The following PRKD1 variants were observed in gnomAD, a reference collection of about 807,000 sequenced individuals.
The protein encoded by PRKD1 is serine/threonine-protein kinase D1.
A neutral mutation model predicts 95.9 loss-of-function variants in PRKD1; 63 were observed. The observed-to-expected ratio is 0.66, with a 90% CI of 0.54 to 0.81. The LOEUF (loss-of-function observed/expected upper bound fraction) is 0.81, where lower values mean the gene tolerates loss of function less well. Among genes scored for constraint, PRKD1 ranks in the 30% least tolerant of loss-of-function variants. The probability of loss-of-function intolerance (pLI) is 0.00; values close to 1 mark genes in which losing one functional copy is unlikely to be tolerated. For missense variants in PRKD1, 1,048 were observed against 1,165.3 expected (o/e 0.90, Z 1.47); for synonymous variants, 425 against 423.1 (o/e 1.00, Z -0.05).
In PRKD1 at chr14:29,927,657, G is replaced by GGGGGAGGGCAAGGGGATGAGGAT. The variant is rs1895360226; in HGVS notation, c.-168_-146dup. The GGGGGAGGGCAAGGGGATGAGGAT allele has an allele frequency of 2.1e-6, 1 of 487,346 alleles. No homozygotes were observed. Among genetic ancestry groups the GGGGGAGGGCAAGGGGATGAGGAT allele is most frequent in the Non-Finnish European group, 2.8e-6 (1 of 358,410 alleles). 30.2% of individuals were successfully genotyped at this position (487,346 alleles called of 1,614,324 possible). A position where few individuals can be genotyped will look rare whatever the true frequency, so the allele number is the denominator to read the frequency against. On this transcript the variant is annotated 5_prime_UTR_variant, in exon 1 of 18. Coordinates refer to ENST00000331968, the MANE Select transcript of PRKD1 (RefSeq NM_002742.3). ...AACTTTCCGGAAAAGTCCCTGGGCT[G>GGGGGAGGGCAAGGGGATGAGGAT]GGGGAGGGCAAGGGGATGAGGATCG...
At chr14:29,877,935 G>A (rs1566650489) in intron 1 of PRKD1, among the ~76,000 whole-genome samples, 1 of 152,322 alleles carries the variant, frequency 6.6e-6, no homozygotes, top group Middle Eastern at 3.4e-3. Context: ...TGAGGAACAT[G>A]AGGTACATAT....
At chr14:29,600,557 C>G (rs969915745) in intron 13 of PRKD1, among the ~76,000 whole-genome samples, 1 of 152,030 alleles carries the variant, frequency 6.6e-6, no homozygotes, top group African/African-American at 2.4e-5. Flanking sequence ...TTGAAAATAC[C>G]GTGTTCACCG....
chr14:29,885,724 C>T (rs139919790), intron 1 of PRKD1, among the ~76,000 whole-genome samples: 2,361 of 146,190 alleles, frequency 0.016, 60 homozygotes, highest in African/African-American at 0.051. Flanking sequence ...CCCAGCATTT[C>T]GGAAAGCTGA....
chr14:29,723,286 G>A (rs1484767437), intron 2 of PRKD1, among the ~76,000 whole-genome samples: 1 of 152,128 alleles, frequency 6.6e-6, no homozygotes, highest in Non-Finnish European at 1.5e-5. Flanking sequence ...AAATGGCAAT[G>A]GGAAATCAGA....
At chr14:29,763,427 GA>G (rs1267578265) in intron 1 of PRKD1, among the ~76,000 whole-genome samples, 2 of 99,406 alleles carry the variant, frequency 2.0e-5, no homozygotes, top group Non-Finnish European at 4.2e-5. Context: ...GAGGGGAAGG[GA>G]GGGGGAGGGA....
intron 1 of PRKD1, among the ~76,000 whole-genome samples, chr14:29,838,820 T>C (rs1241811070): frequency 6.6e-6 from 1 of 152,162 alleles, no homozygotes; most frequent in Non-Finnish European, 1.5e-5. Flanking sequence ...TTGAACAGGA[T>C]CTAGTTTGAG....
At chr14:29,916,085 A>G (rs1236205710) in intron 1 of PRKD1, among the ~76,000 whole-genome samples, 1 of 152,208 alleles carries the variant, frequency 6.6e-6, no homozygotes, top group African/African-American at 2.4e-5. Context: ...GTACTGTGAG[A>G]GAAACCACCA....
At chr14:29,734,199 G>A (rs1418679063) in intron 1 of PRKD1, among the ~76,000 whole-genome samples, 3 of 151,428 alleles carry the variant, frequency 2.0e-5, no homozygotes, top group Non-Finnish European at 2.9e-5. Flanking sequence ...CCCACCACAC[G>A]CCTGGCTAAT....
In PRKD1 at chr14:29,820,685, G is replaced by C. The variant is rs568521022; in HGVS notation, c.265-95011C>G. On this transcript the variant is annotated intron_variant, in intron 1 of 17. Transcript: ENST00000331968. ...TAATGGGGAAGACAAACCAATTAGG[G>C]CCAGATGCTGAATGGCCTTGTATAA... Among the ~76,000 whole-genome samples the C allele has an allele frequency of 3.3e-5, 5 of 152,296 alleles. No homozygotes were observed. In the South Asian group the frequency reaches 1.0e-3, roughly 32 times the overall value.
chr14:29,737,364 A>G (rs1886781642), intron 1 of PRKD1, among the ~76,000 whole-genome samples: 1 of 119,102 alleles, frequency 8.4e-6, no homozygotes, highest in Admixed American at 8.7e-5. Context: ...AAAAAAAAAT[A>G]CTCTGCCAGT....
intron 1 of PRKD1, among the ~76,000 whole-genome samples, chr14:29,919,651 T>G (rs775527161): frequency 1.3e-5 from 2 of 151,806 alleles, no homozygotes; most frequent in South Asian, 2.1e-4. Context: ...TCTTTGTATC[T>G]AAATTCTATC....
chr14:29,851,682 C>G (rs1273410390), intron 1 of PRKD1, among the ~76,000 whole-genome samples: 2 of 152,146 alleles, frequency 1.3e-5, no homozygotes, highest in Non-Finnish European at 2.9e-5. Flanking sequence ...GGAGACTGCT[C>G]AAAGAACTAA....
chr14:29,757,427 T>C (rs1455316351), intron 1 of PRKD1, among the ~76,000 whole-genome samples: 3 of 152,068 alleles, frequency 2.0e-5, no homozygotes, highest in East Asian at 1.9e-4. Flanking sequence ...CACCTGAGGT[T>C]TGAAGCATGA....
At chr14:29,829,315 T>A (rs1231513519) in intron 1 of PRKD1, among the ~76,000 whole-genome samples, 1 of 152,184 alleles carries the variant, frequency 6.6e-6, no homozygotes, top group Non-Finnish European at 1.5e-5. Context: ...TTAGGGTGAT[T>A]TGTTACATAG....
At chr14:29,839,928 T>C (rs1360038744) in intron 1 of PRKD1, among the ~76,000 whole-genome samples, 1 of 152,016 alleles carries the variant, frequency 6.6e-6, no homozygotes, top group Non-Finnish European at 1.5e-5. Flanking sequence ...TTTTTCCTCC[T>C]GGGCCTCCGG....
chr14:29,646,545 ATAGATAG>A lies in PRKD1; in HGVS notation c.697-7648_697-7642del, dbSNP rs1162582811. Among the ~76,000 whole-genome samples, 25 of 150,348 alleles carry A rather than the reference ATAGATAG, an allele frequency of 1.7e-4. 1 individual carries two copies. The highest frequency in any genetic ancestry group is 6.0e-4 in the African/African-American group (24 of 40,058). ...GTACTCACAAAAATTAGATAGATAG[ATAGATAG>A]ATAGATAGATAGATAGATAAATTTT... On this transcript the variant is annotated intron_variant, in intron 4 of 17. Coordinates refer to ENST00000331968, the MANE Select transcript of PRKD1 (RefSeq NM_002742.3).
chr14:29,893,422 T>C (rs1473141031), intron 1 of PRKD1, among the ~76,000 whole-genome samples: 3 of 151,986 alleles, frequency 2.0e-5, no homozygotes, highest in Admixed American at 6.6e-5. Context: ...TTTTCAAATC[T>C]TTTTAGTGGC....
At chr14:29,882,655 C>T (rs1199090435) in intron 1 of PRKD1, among the ~76,000 whole-genome samples, 1 of 152,198 alleles carries the variant, frequency 6.6e-6, no homozygotes, top group East Asian at 1.9e-4. Flanking sequence ...TCCGCATTTT[C>T]CCTCTCCCCA....
At chr14:29,642,061 G>A (rs1253404458) in intron 4 of PRKD1, among the ~76,000 whole-genome samples, 2 of 151,736 alleles carry the variant, frequency 1.3e-5, no homozygotes, top group East Asian at 1.9e-4. Context: ...GTGCCACCAC[G>A]CCCGGCTAAT....
Sources: gnomAD v4.1 joint callset for allele counts (sites outside exome capture counted in the v4.1 genomes callset) on GRCh38, gnomAD v4.1.1 for gene constraint, MANE v1.5 for transcripts, NCBI Gene and HGNC (gene_info 2026-07-23, HGNC 2026-07-21) for gene names.